Variants in DNER observed in about 807,000 individuals in gnomAD.
The protein encoded by DNER is delta and Notch-like epidermal growth factor-related receptor.
DNER carries 33 observed loss-of-function variants against 78.2 expected under a neutral mutation model. That is an observed-to-expected ratio of 0.42 (90% CI 0.32 to 0.56). The LOEUF (loss-of-function observed/expected upper bound fraction) is 0.56, where lower values mean the gene tolerates loss of function less well. DNER is among the 20% of genes least tolerant of loss of function. DNER has a pLI of 0.11. For missense variants in DNER, 918 were observed against 975.3 expected, an observed-to-expected ratio of 0.94 and a Z score of 0.78; for synonymous variants, 417 against 384.8, an observed-to-expected ratio of 1.08 and a Z score of -0.98.
chr2:229,395,472 T>C (rs565394490), intron 10 of DNER, among the ~76,000 whole-genome samples: 36 of 152,318 alleles, frequency 2.4e-4, no homozygotes, highest in Non-Finnish European at 4.7e-4. Context: ...TGTCCAATCC[T>C]GTAGTGTTTC....
intron 11 of DNER, among the ~76,000 whole-genome samples, chr2:229,369,720 A>G (rs1253606805): frequency 5.3e-5 from 8 of 152,198 alleles, no homozygotes. Flanking sequence ...AATCTCTGTG[A>G]TTGGCGTAGG....
intron 1 of DNER, among the ~76,000 whole-genome samples, chr2:229,712,318 T>A (rs528788459): frequency 2.0e-5 from 3 of 152,244 alleles, no homozygotes. Context: ...TATGTTTCGC[T>A]GTTAGTCATC....
At chr2:229,446,833 A>C (rs1430737244) in intron 8 of DNER, among the ~76,000 whole-genome samples, 7 of 152,220 alleles carry the variant, frequency 4.6e-5, no homozygotes, top group Admixed American at 2.6e-4. Flanking sequence ...ATAGAGTAAC[A>C]ATTTTAATAG....
chr2:229,475,494 CA>C, intron 7 of DNER, among the ~76,000 whole-genome samples: 1 of 152,346 alleles, frequency 6.6e-6, no homozygotes, highest in Non-Finnish European at 1.5e-5. Context: ...TGTGCATCTT[CA>C]AAGCACCTAT....
intron 11 of DNER, among the ~76,000 whole-genome samples, chr2:229,380,421 G>A (rs1367311304): frequency 6.6e-6 from 1 of 152,164 alleles, no homozygotes; most frequent in Non-Finnish European, 1.5e-5. Context: ...TTCTTTATCT[G>A]TCAAAAGGTG....
At position 229,576,649 on chromosome 2, in the gene DNER, G is replaced by C. The variant is rs77052792; in HGVS notation, c.847+9209C>G. ...AATCATCATGCCAGAAAAGGTTTGT[G>C]GGGGGGAACGGAGAACATTCTGATG... On this transcript the variant is annotated intron_variant, in intron 4 of 12. Coordinates refer to ENST00000341772, the MANE Select transcript of DNER (RefSeq NM_139072.4). Among the ~76,000 whole-genome samples the C allele has an allele frequency of 7.6e-4, 116 of 152,198 alleles. 1 individual carries two copies. In the East Asian group the frequency reaches 0.019, roughly 25 times the overall value.
At chr2:229,625,268 G>C (rs1433541354) in intron 1 of DNER, among the ~76,000 whole-genome samples, 1 of 152,158 alleles carries the variant, frequency 6.6e-6, no homozygotes, top group Non-Finnish European at 1.5e-5. Context: ...CGGGGGCTGG[G>C]AGGGGTGGCA....
chr2:229,585,764 T>C, intron 4 of DNER, 94 bp downstream of exon 4: 1 of 1,364,750 alleles, frequency 7.3e-7, no homozygotes. Context: ...GAATTCAGAT[T>C]ATCTGAGCAA....
Position 229,358,584 on chromosome 2 carries a change from C to G in DNER, c.2170G>C (p.Asp724His). 1 of 1,613,680 alleles carries G rather than the reference C, an allele frequency of 6.2e-7. No homozygotes were observed. The highest frequency in any genetic ancestry group is 8.5e-7 in the Non-Finnish European group (1 of 1,179,832). Residue 724 changes from aspartate (D) to histidine (H), a missense_variant, in exon 13 of 13, where the codon GAT (aspartate) becomes CAT (histidine). Transcript: ENST00000341772. ...ATCAGTGTGACCAAGGGTTTGTCAT[C>G]AGGACTGTAATCTTCATAGGCGATG... ...SPIAYEDYSP[D>H]DKPLVTLIKT...
intron 5 of DNER, among the ~76,000 whole-genome samples, chr2:229,545,990 T>C (rs1386058493): frequency 2.0e-5 from 3 of 152,218 alleles, no homozygotes; most frequent in Non-Finnish European, 4.4e-5. Context: ...GTTTCTTCCA[T>C]TTCTCTTGAT....
At chr2:229,684,467 C>T (rs1329390103) in intron 1 of DNER, among the ~76,000 whole-genome samples, 1 of 152,018 alleles carries the variant, frequency 6.6e-6, no homozygotes, top group South Asian at 2.1e-4. Context: ...CAATTGCACC[C>T]ACTCCCATCC....
intron 7 of DNER, among the ~76,000 whole-genome samples, chr2:229,458,754 T>A (rs1451796375): frequency 6.6e-6 from 1 of 151,576 alleles, no homozygotes; most frequent in East Asian, 1.9e-4. Context: ...ATTCAATATT[T>A]TACTGGAGGT....
At chr2:229,634,888 C>T (rs377359528) in intron 1 of DNER, among the ~76,000 whole-genome samples, 96 of 152,296 alleles carry the variant, frequency 6.3e-4, no homozygotes, top group African/African-American at 2.1e-3. Context: ...AATGGAAACC[C>T]TTCAGGGCCC....
At chr2:229,704,350 CTAGT>C (rs1479424781) in intron 1 of DNER, among the ~76,000 whole-genome samples, 1 of 152,174 alleles carries the variant, frequency 6.6e-6, no homozygotes, top group Non-Finnish European at 1.5e-5. Flanking sequence ...CCAGGAAATC[CTAGT>C]TATTTACTCA....
chr2:229,408,366 G>A (rs561798361), intron 9 of DNER, among the ~76,000 whole-genome samples: 24 of 151,966 alleles, frequency 1.6e-4, no homozygotes, highest in Non-Finnish European at 3.2e-4. Flanking sequence ...ATGTTACACT[G>A]GATGCCAAGA....
chr2:229,409,059 A>G (rs1326132964), intron 9 of DNER, among the ~76,000 whole-genome samples: 2 of 152,178 alleles, frequency 1.3e-5, no homozygotes, highest in Admixed American at 6.5e-5. Context: ...CCCAGGTTGC[A>G]TGGTAACATA....
In DNER at chr2:229,560,535, C is replaced by T. The variant is rs538305935; in HGVS notation, c.848-13443G>A. On this transcript the variant is annotated intron_variant, in intron 4 of 12. Coordinates refer to ENST00000341772, the MANE Select transcript of DNER (RefSeq NM_139072.4). ...GGGAAGACAAACACCTGCAATCCCG[C>T]ATCTCACCCCTCAGAGGCAGGGGTG... Among the ~76,000 whole-genome samples, 156 of 152,264 alleles carry T rather than the reference C, an allele frequency of 1.0e-3. 5 individuals carry two copies. In the South Asian group the frequency reaches 0.032, roughly 31 times the overall value.
chr2:229,686,588 A>G (rs1699486350), intron 1 of DNER, among the ~76,000 whole-genome samples: 1 of 151,816 alleles, frequency 6.6e-6, no homozygotes, highest in South Asian at 2.1e-4. Flanking sequence ...ACCGCACCCC[A>G]TCTCTGACCT....
At position 229,366,949 on chromosome 2, in the gene DNER, C is replaced by T; in HGVS notation, c.2026G>A (p.Ala676Thr). The change falls in exon 12 of 13, where the codon GCC (alanine) becomes ACC (threonine). Residue 676 changes from alanine to threonine, a missense_variant. By Grantham distance (58) the Ala-to-Thr change is moderately conservative. Coordinates refer to ENST00000341772, the MANE Select transcript of DNER (RefSeq NM_139072.4). The part of the protein sequence containing the change: ...RIEYQGSSRP[A>T]YEEFYNCRSI... ...CGGCAGTTGTAGAACTCCTCATAGG[C>T]TGGCCTGGAAGAACCCTGGTATTCA... 6.2e-7 allele frequency: 1 copy of T among 1,614,176 alleles called. No homozygotes were observed. Among genetic ancestry groups the T allele is most frequent in the African/African-American group, 1.3e-5 (1 of 75,038 alleles).
Sources: allele counts gnomAD v4.1 joint callset (sites outside exome capture counted in the v4.1 genomes callset), GRCh38; gene constraint gnomAD v4.1.1; transcripts MANE v1.5; gene names NCBI Gene and HGNC (gene_info 2026-07-23, HGNC 2026-07-21).